Variants in RANBP17 observed in about 807,000 individuals in gnomAD.
RANBP17 encodes the protein RAN binding protein 17.
Under a neutral mutation model 141.2 loss-of-function variants are expected in RANBP17, and 158 were observed. The observed-to-expected ratio is 1.12, with a 90% CI of 0.98 to 1.28. The LOEUF is 1.28. RANBP17 is among the 50% of genes most tolerant of loss of function. The probability of loss-of-function intolerance (pLI) is 0.00; values close to 1 mark genes in which losing one functional copy is unlikely to be tolerated. For missense variants in RANBP17, 1,438 were observed against 1,290.7 expected (o/e 1.11, Z -1.75); for synonymous variants, 430 against 450.0 (o/e 0.96, Z 0.56).
At chr5:171,261,108 G>GAA (rs3085132) in intron 24 of RANBP17, among the ~76,000 whole-genome samples, 12,348 of 49,728 alleles carry the variant, frequency 0.25, 766 homozygotes, top group East Asian at 0.36. Flanking sequence ...AAAACCAAAA[G>GAA]AAAAAAAAAA....
At chr5:170,975,449 C>G (rs1777293649) in intron 14 of RANBP17, among the ~76,000 whole-genome samples, 1 of 152,188 alleles carries the variant, frequency 6.6e-6, no homozygotes, top group Non-Finnish European at 1.5e-5. Context: ...TTGCATGAAC[C>G]TGGGAGGCAG....
intron 22 of RANBP17, among the ~76,000 whole-genome samples, chr5:171,229,759 GAAAAAAAA>G (rs758827854): frequency 1.1e-5 from 1 of 88,338 alleles, no homozygotes; most frequent in Non-Finnish European, 2.4e-5. Context: ...GATGCAAAAG[GAAAAAAAA>G]AAAAAAAAAA....
intron 24 of RANBP17, among the ~76,000 whole-genome samples, chr5:171,260,416 C>T (rs1315239007): frequency 1.4e-5 from 2 of 144,610 alleles, no homozygotes; most frequent in Non-Finnish European, 3.0e-5. Flanking sequence ...TGCAGTGAGC[C>T]GAGATCACTG....
At chr5:171,152,379 T>G (rs1440876305) in intron 14 of RANBP17, among the ~76,000 whole-genome samples, 1 of 149,834 alleles carries the variant, frequency 6.7e-6, no homozygotes, top group Non-Finnish European at 1.5e-5. Context: ...AGATCGCTAT[T>G]GCACTCCAGT....
chr5:170,875,462 A>T (rs1405769418), intron 1 of RANBP17, among the ~76,000 whole-genome samples: 1 of 152,096 alleles, frequency 6.6e-6, no homozygotes, highest in African/African-American at 2.4e-5. Flanking sequence ...TCAATCAGTC[A>T]TAGGTTTGGT....
chr5:171,240,681 AC>A (rs1764814251), intron 22 of RANBP17, among the ~76,000 whole-genome samples: 1 of 152,218 alleles, frequency 6.6e-6, no homozygotes, highest in Non-Finnish European at 1.5e-5. Context: ...CTGTGTAATC[AC>A]CATGCAGATA....
chr5:171,151,604 C>G (rs1034683667), intron 14 of RANBP17, among the ~76,000 whole-genome samples: 1 of 152,144 alleles, frequency 6.6e-6, no homozygotes, highest in African/African-American at 2.4e-5. Flanking sequence ...ACATTTCTAA[C>G]CCTGTGAGGT....
chr5:170,874,242 T>C (rs1767982634), intron 1 of RANBP17, among the ~76,000 whole-genome samples: 1 of 152,218 alleles, frequency 6.6e-6, no homozygotes, highest in African/African-American at 2.4e-5. Context: ...TGAGGAGTGC[T>C]TTACTTCCAG....
intron 14 of RANBP17, 99 bp from the exon 15 acceptor site, chr5:171,170,031 T>A: frequency 1.8e-6 from 1 of 551,156 alleles, no homozygotes; most frequent in Admixed American, 3.4e-5. Flanking sequence ...TCAGTGTGGA[T>A]ACCACAGTGC....
intron 5 of RANBP17, chr5:170,897,015 C>A (rs527654854): frequency 9.1e-7 from 1 of 1,103,244 alleles, no homozygotes; most frequent in Admixed American, 1.9e-5. Context: ...GGGAGCACGC[C>A]GCGGTCAGCC....
chr5:171,058,556 T>C (rs1391017143), intron 14 of RANBP17, among the ~76,000 whole-genome samples: 1 of 151,770 alleles, frequency 6.6e-6, no homozygotes, highest in African/African-American at 2.4e-5. Flanking sequence ...TAATCCAGTC[T>C]ATCATTGTTG....
intron 14 of RANBP17, among the ~76,000 whole-genome samples, chr5:171,119,931 C>T (rs1755899804): frequency 6.7e-6 from 1 of 149,580 alleles, no homozygotes; most frequent in Non-Finnish European, 1.5e-5. Context: ...CCCAGCTACT[C>T]GGGAGGCTGA....
chr5:171,238,436 T>A (rs958728204), intron 22 of RANBP17, among the ~76,000 whole-genome samples: 4 of 152,166 alleles, frequency 2.6e-5, no homozygotes, highest in Non-Finnish European at 5.9e-5. Flanking sequence ...TTTTTCCCAA[T>A]CAGGCAGTTC....
chr5:170,907,154 A>T (rs1054115271), intron 5 of RANBP17, among the ~76,000 whole-genome samples: 1 of 151,878 alleles, frequency 6.6e-6, no homozygotes, highest in South Asian at 2.1e-4. Flanking sequence ...GAGTTTTCCT[A>T]AAAGTTAGGA....
At chr5:170,880,970 C>T (rs1768612204) in intron 2 of RANBP17, among the ~76,000 whole-genome samples, 1 of 152,206 alleles carries the variant, frequency 6.6e-6, no homozygotes, top group East Asian at 1.9e-4. Flanking sequence ...TCTGTTTTAG[C>T]TATTCAATTC....
intron 4 of RANBP17, among the ~76,000 whole-genome samples, chr5:170,894,892 C>G (rs1225935183): frequency 6.6e-6 from 1 of 152,184 alleles, no homozygotes; most frequent in Non-Finnish European, 1.5e-5. Flanking sequence ...GCCAGCTGAC[C>G]TAGTGTACTT....
rs1372078449 is a variant in RANBP17, at chr5:170,931,924, T to C, written c.1468+7374T>C. Among the ~76,000 whole-genome samples, 4 of 152,282 alleles carry C rather than the reference T, an allele frequency of 2.6e-5. No homozygotes were observed. In the South Asian group the frequency reaches 6.2e-4, roughly 24 times the overall value. On this transcript the variant is annotated intron_variant, in intron 12 of 27. Transcript: ENST00000523189. ...TGGTTCCATATGAACTTTAAAGTAGTTTTTTCCTATTCTGTGAAGAAAGTC... is the reference window on the plus strand; with the variant it reads ...TGGTTCCATATGAACTTTAAAGTAGCTTTTTCCTATTCTGTGAAGAAAGTC...
intron 5 of RANBP17, among the ~76,000 whole-genome samples, chr5:170,901,228 T>C (rs987175454): frequency 1.4e-4 from 21 of 152,218 alleles, no homozygotes; most frequent in Non-Finnish European, 2.9e-5. Flanking sequence ...GATAGTTAGC[T>C]CTTCTTGTTG....
chr5:171,115,923 C>T (rs1010769936), intron 14 of RANBP17, among the ~76,000 whole-genome samples: 2 of 152,140 alleles, frequency 1.3e-5, no homozygotes, highest in East Asian at 1.9e-4. Context: ...TAACCTAGAA[C>T]GGTATCTGAG....
Sources: allele counts gnomAD v4.1 joint callset (sites outside exome capture counted in the v4.1 genomes callset), GRCh38; gene constraint gnomAD v4.1.1; transcripts MANE v1.5; gene names NCBI Gene and HGNC (gene_info 2026-07-23, HGNC 2026-07-21).